Variants in MGAT4C observed in about 807,000 individuals in gnomAD.
MGAT4C encodes alpha-1,3-mannosyl-glycoprotein 4-beta-N-acetylglucosaminyltransferase C.
MGAT4C carries 19 observed loss-of-function variants against 40.1 expected under a neutral mutation model. That is an observed-to-expected ratio of 0.47 (90% confidence interval 0.33 to 0.70). The LOEUF is 0.70. MGAT4C is among the 30% of genes least tolerant of loss of function. MGAT4C has a pLI of 0.02. For synonymous variants in MGAT4C, 181 were observed against 187.1 expected (o/e 0.97, Z 0.27); for missense variants, 491 against 563.2 (o/e 0.87, Z 1.30).
At chr12:86,392,132 G>T (rs1956171238) in intron 3 of MGAT4C, among the ~76,000 whole-genome samples, 1 of 152,088 alleles carries the variant, frequency 6.6e-6, no homozygotes, top group Admixed American at 6.6e-5. Context: ...TTTGGTACTA[G>T]AGATACCAAG....
Position 85,983,662 on chromosome 12 carries a change from G to T in MGAT4C, c.156C>A (p.Asp52Glu). The T allele has an allele frequency of 6.4e-7, 1 of 1,569,768 alleles. No homozygotes were observed. The highest frequency in any genetic ancestry group is 8.6e-7 in the Non-Finnish European group (1 of 1,160,888). The change falls in exon 4 of 5, where the codon GAC becomes GAA. Residue 52 changes from aspartate to glutamate, a missense_variant. Physicochemically the swap from Asp to Glu is conservative, Grantham distance 45 (BLOSUM62 2). Coordinates refer to ENST00000611864, the MANE Select transcript of MGAT4C (RefSeq NM_001351288.2). ...YIEDSYVLEG[D>E]KQLIRETSTH... The stretch of plus-strand genomic sequence containing the variant: ...TGGATGTTTCCCTTATAAGTTGTTT[G>T]TCTCCTTCCTAAATACCAAGAAAGA...
intron 3 of MGAT4C, among the ~76,000 whole-genome samples, chr12:86,349,628 A>G (rs1349355416): frequency 6.6e-6 from 1 of 152,110 alleles, no homozygotes; most frequent in Admixed American, 6.6e-5. Context: ...TTATCAGTGC[A>G]TTTAGAAAGT....
intron 1 of MGAT4C, among the ~76,000 whole-genome samples, chr12:86,201,391 T>G (rs1950043719): frequency 6.6e-6 from 1 of 151,346 alleles, no homozygotes; most frequent in Admixed American, 6.6e-5. Context: ...TAACACCATC[T>G]TGATTAATGA....
intron 2 of MGAT4C, among the ~76,000 whole-genome samples, chr12:86,468,088 ATTTC>A (rs1479988862): frequency 6.6e-6 from 1 of 151,996 alleles, no homozygotes; most frequent in Non-Finnish European, 1.5e-5. Flanking sequence ...GCCAAAAATT[ATTTC>A]TTTAACTCAA....
intron 3 of MGAT4C, among the ~76,000 whole-genome samples, chr12:86,352,228 A>C (rs1368277061): frequency 6.6e-6 from 1 of 152,116 alleles, no homozygotes; most frequent in Non-Finnish European, 1.5e-5. Flanking sequence ...TTAACTTGAC[A>C]TGCTTTAAAG....
chr12:86,633,898 C>T (rs1963137503), intron 2 of MGAT4C, among the ~76,000 whole-genome samples: 1 of 151,886 alleles, frequency 6.6e-6, no homozygotes, highest in African/African-American at 2.4e-5. Context: ...GTGTAAATTA[C>T]TTTATTTTGC....
At chr12:86,731,967 T>G (rs1950917364) in intron 1 of MGAT4C, among the ~76,000 whole-genome samples, 1 of 152,190 alleles carries the variant, frequency 6.6e-6, no homozygotes, top group African/African-American at 2.4e-5. Flanking sequence ...TGGACATTTA[T>G]TCCTGTTTTA....
At chr12:86,372,066 T>G (rs1955725924) in intron 3 of MGAT4C, among the ~76,000 whole-genome samples, 1 of 151,876 alleles carries the variant, frequency 6.6e-6, no homozygotes, top group South Asian at 2.1e-4. Flanking sequence ...CTATATCAAA[T>G]AAAATTTTAT....
chr12:86,289,029 G>A (rs906961337), intron 4 of MGAT4C, among the ~76,000 whole-genome samples: 1 of 152,038 alleles, frequency 6.6e-6, no homozygotes, highest in Non-Finnish European at 1.5e-5. Flanking sequence ...GTCTCCCAGG[G>A]TTTTTATAGT....
chr12:86,644,783 A>C (rs570785495), intron 2 of MGAT4C, among the ~76,000 whole-genome samples: 1 of 151,894 alleles, frequency 6.6e-6, no homozygotes, highest in East Asian at 1.9e-4. Context: ...ATGTAACCAG[A>C]CATGTTATTA....
intron 3 of MGAT4C, among the ~76,000 whole-genome samples, chr12:86,410,884 G>A (rs1264733991): frequency 6.6e-6 from 1 of 152,034 alleles, no homozygotes. Flanking sequence ...CCTCCATTCG[G>A]GGTCCCTGAC....
Position 86,005,957 on chromosome 12 carries a change from C to T in MGAT4C, c.-6-16405G>A, listed in dbSNP as rs557095251. Among the ~76,000 whole-genome samples the T allele has an allele frequency of 8.5e-5, 13 of 152,138 alleles. No homozygotes were observed. In the South Asian group the frequency reaches 1.2e-3, roughly 15 times the overall value. On this transcript the variant is annotated intron_variant, in intron 2 of 4. Transcript: ENST00000611864. ...AATATAGTGCACTCTTGTGAGTTCT[C>T]GATTATTCTAGCTTTTTTCCAGTAT... is the stretch of plus-strand genomic sequence containing the variant.
chr12:86,357,958 A>G (rs1955355830), intron 3 of MGAT4C, among the ~76,000 whole-genome samples: 1 of 152,180 alleles, frequency 6.6e-6, no homozygotes, highest in South Asian at 2.1e-4. Context: ...GCCAACATTC[A>G]AATTCAGGAA....
intron 4 of MGAT4C, among the ~76,000 whole-genome samples, chr12:86,279,116 C>A (rs922154552): frequency 2.0e-5 from 3 of 151,726 alleles, no homozygotes; most frequent in African/African-American, 7.3e-5. Context: ...CTTTTCTTTT[C>A]TATTTTTTTA....
chr12:86,106,307 G>C (rs982606152), intron 1 of MGAT4C, among the ~76,000 whole-genome samples: 1 of 151,904 alleles, frequency 6.6e-6, no homozygotes, highest in African/African-American at 2.4e-5. Context: ...TTTTAGGTTA[G>C]TTTAGTGTTG....
intron 2 of MGAT4C, among the ~76,000 whole-genome samples, chr12:86,012,758 A>G (rs1373169882): frequency 9.8e-6 from 1 of 101,616 alleles, no homozygotes; most frequent in African/African-American, 3.5e-5. Flanking sequence ...GTCTCAAACA[A>G]CAACAACAAC....
intron 2 of MGAT4C, among the ~76,000 whole-genome samples, chr12:86,644,122 A>G (rs1363956289): frequency 1.3e-5 from 2 of 151,632 alleles, no homozygotes; most frequent in Non-Finnish European, 3.0e-5. Flanking sequence ...TATTAGAATT[A>G]TAATGCTTTA....
intron 2 of MGAT4C, among the ~76,000 whole-genome samples, chr12:86,622,053 T>A (rs1446712277): frequency 6.6e-6 from 1 of 152,186 alleles, no homozygotes; most frequent in Non-Finnish European, 1.5e-5. Flanking sequence ...GTGTTCTGTA[T>A]GCTTTTAAGG....
At chr12:86,766,032 G>A (rs2136160053) in intron 1 of MGAT4C, among the ~76,000 whole-genome samples, 1 of 152,216 alleles carries the variant, frequency 6.6e-6, no homozygotes, top group Admixed American at 6.5e-5. Flanking sequence ...AACCTTAAAT[G>A]TAAATGGACT....
Sources: allele counts gnomAD v4.1 joint callset (sites outside exome capture counted in the v4.1 genomes callset), GRCh38; gene constraint gnomAD v4.1.1; transcripts MANE v1.5; gene names NCBI Gene and HGNC (gene_info 2026-07-23, HGNC 2026-07-21).